Variants in CLCN6 observed in about 807,000 individuals in gnomAD.
CLCN6 encodes the protein Cl-/H+ antiporter 6.
In CLCN6, 70 loss-of-function variants were observed where a neutral mutation model predicts 109.8. That is an observed-to-expected ratio of 0.64 (90% CI 0.53 to 0.78). The LOEUF is 0.78. Ranked by LOEUF, CLCN6 falls within the 30% of genes least tolerant of loss-of-function variation. The pLI, the probability that CLCN6 is intolerant of heterozygous loss-of-function variation, is 0.00. For synonymous variants in CLCN6, 444 were observed against 447.8 expected (o/e 0.99, Z 0.11); for missense variants, 984 against 1,142.3 (o/e 0.86, Z 2.00).
At chr1:11,835,214 G>A (rs2100655178) in intron 17 of CLCN6, among the ~76,000 whole-genome samples, 1 of 152,328 alleles carries the variant, frequency 6.6e-6, no homozygotes, top group African/African-American at 2.4e-5. Flanking sequence ...TGATCAGTGG[G>A]CTACAGTTTG....
chr1:11,837,180 C>T (rs1425604179), intron 19 of CLCN6, 24 bp downstream of exon 19: 5 of 1,610,944 alleles, frequency 3.1e-6, no homozygotes, highest in East Asian at 2.2e-5. Context: ...GGGGCCCCCA[C>T]TGCCCGCAGG....
chr1:11,815,704 A>C (rs1270574285), intron 2 of CLCN6, 142 bp from the exon 3 acceptor site: 1 of 664,730 alleles, frequency 1.5e-6, no homozygotes, highest in Non-Finnish European at 2.7e-6. Context: ...CAGATTCTGC[A>C]TTTTGAACCA....
In CLCN6 at chr1:11,807,796, A is replaced by G. The variant is rs1644539605; in HGVS notation, c.147+606A>G. On this transcript the variant is annotated intron_variant, in intron 2 of 22. Coordinates refer to ENST00000346436, the MANE Select transcript of CLCN6 (RefSeq NM_001286.5). The stretch of plus-strand genomic sequence containing the variant: ...ATTAAAAGATGACTGTTAACACCTT[A>G]CTAAGTATCTTTCTACATCCTTACC... Among the ~76,000 whole-genome samples, 3 of 152,224 alleles carry G rather than the reference A, an allele frequency of 2.0e-5. No individual in the cohort carries two copies. In the South Asian group the frequency reaches 6.2e-4, roughly 31 times the overall value.
At chr1:11,833,470 A>G (rs375818149) in intron 13 of CLCN6, 45 bp from the exon 14 acceptor site, 1 of 1,605,954 alleles carries the variant, frequency 6.2e-7, no homozygotes, top group South Asian at 1.1e-5. Flanking sequence ...TTGAAGACTC[A>G]AAGTCAGGTG....
At chr1:11,831,973 C>T (rs984850429) in intron 13 of CLCN6, among the ~76,000 whole-genome samples, 36 of 152,214 alleles carry the variant, frequency 2.4e-4, no homozygotes, top group African/African-American at 9.6e-5. Flanking sequence ...AACCTAAATA[C>T]GTTCCTTTAG....
Position 11,834,786 on chromosome 1 carries a change from G to A in CLCN6, c.1793+196G>A, listed in dbSNP as rs866035106. 8.5e-5 allele frequency among the ~76,000 whole-genome samples: 13 copies of A among 152,174 alleles called. No homozygotes were observed. Among genetic ancestry groups the A allele is most frequent in the Non-Finnish European group, 2.9e-5 (2 of 68,010 alleles). ...CTGCGGGGGCAGGGCAGGGGACACGGGCACTGTGGGACTGCAGTGGGCAGG... is the reference window on the plus strand; with the variant it reads ...CTGCGGGGGCAGGGCAGGGGACACGAGCACTGTGGGACTGCAGTGGGCAGG... On this transcript the variant is annotated intron_variant, in intron 17 of 22. Coordinates refer to ENST00000346436, the MANE Select transcript of CLCN6 (RefSeq NM_001286.5). This position sits in a 1 kb window ranked among gnomAD's most constrained non-coding sequence, Gnocchi z 4.5.
At chr1:11,830,741 ATATAT>A in intron 13 of CLCN6, among the ~76,000 whole-genome samples, 3 of 50,040 alleles carry the variant, frequency 6.0e-5, no homozygotes, top group African/African-American at 2.8e-4. Context: ...TATATATTAT[ATATAT>A]ATATATATAT....
chr1:11,820,691 T>A, intron 5 of CLCN6: 1 of 248,874 alleles, frequency 4.0e-6, no homozygotes, highest in East Asian at 8.8e-5. Flanking sequence ...GGCATGAACC[T>A]GGGAGGCGGA....
At chr1:11,819,596 T>C in intron 5 of CLCN6, 42 bp downstream of exon 5, 1 of 1,543,330 alleles carries the variant, frequency 6.5e-7, no homozygotes, top group Non-Finnish European at 9.0e-7. Flanking sequence ...ACTTCAGTGG[T>C]CACCAAGATT....
At position 11,806,294 on chromosome 1, in the gene CLCN6, G is replaced by C; in HGVS notation, c.32G>C (p.Cys11Ser). 6.6e-7 allele frequency: 1 copy of C among 1,509,274 alleles called. No homozygotes were observed. The highest frequency in any genetic ancestry group is 1.3e-5 in the South Asian group (1 of 74,818). 93.5% of individuals were successfully genotyped at this position (1,509,274 alleles called of 1,614,324 possible). The change falls in exon 1 of 23, where the codon TGC becomes TCC. Residue 11 changes from cysteine to serine, a missense_variant. Coordinates refer to ENST00000346436, the MANE Select transcript of CLCN6 (RefSeq NM_001286.5). ...GGGTGCAGGGGGTCTCTGTGCTGCT[G>C]CTGCAGGTGGTGCTGCTGCTGCGGT... The part of the protein sequence containing the change: MAGCRGSLCC[C>S]CRWCCCCGER...
intron 6 of CLCN6, among the ~76,000 whole-genome samples, chr1:11,823,227 C>T (rs1289695424): frequency 1.3e-5 from 2 of 152,176 alleles, no homozygotes; most frequent in African/African-American, 2.4e-5. Context: ...GAGGCCAAGG[C>T]GGGCAGATCA....
Position 11,833,601 on chromosome 1 carries a change from G to C in CLCN6, c.1335G>C (p.Pro445=), listed in dbSNP as rs1302255634. ...ACATGGCCACACTCTTCTTCAACCC[G>C]CAGGAGTCTGCCATCCTCCAGCTCT... ...YNDMATLFFN[P]QESAILQLFH... The change falls in exon 14 of 23, where the codon CCG becomes CCC. Residue 445 remains proline, a synonymous_variant. Transcript: ENST00000346436. The C allele has an allele frequency of 6.2e-7, 1 of 1,613,832 alleles. No homozygotes were observed. Among genetic ancestry groups the C allele is most frequent in the Middle Eastern group, 1.6e-4 (1 of 6,062 alleles).
chr1:11,823,099 TC>T (rs2100630791), intron 6 of CLCN6, among the ~76,000 whole-genome samples: 1 of 152,298 alleles, frequency 6.6e-6, no homozygotes, highest in East Asian at 1.9e-4. Context: ...ATCATTCATG[TC>T]CCAAACCTCA....
chr1:11,811,175 C>T (rs1243904941), intron 2 of CLCN6, among the ~76,000 whole-genome samples: 1 of 151,998 alleles, frequency 6.6e-6, no homozygotes, highest in Non-Finnish European at 1.5e-5. Context: ...CACGCCACTG[C>T]ACTCCAGCCT....
intron 5 of CLCN6, among the ~76,000 whole-genome samples, chr1:11,821,094 AAAAAAC>A (rs1390125556): frequency 2.6e-5 from 4 of 152,082 alleles, no homozygotes; most frequent in South Asian, 4.1e-4. Context: ...CAACAAAAAA[AAAAAAC>A]AAACAAAATC....
In CLCN6 at chr1:11,824,498, A is replaced by G. The variant is rs198400; in HGVS notation, c.593A>G (p.Glu198Gly). 1,612,566 of 1,613,638 alleles carry G rather than the reference A, an allele frequency of 1. 805,750 individuals are homozygous for G. Among genetic ancestry groups the G allele is most frequent in the East Asian group, 1 (44,840 of 44,840 alleles). Reference sequence around the variant, plus strand: ...TCACCCTGCCCAGGGCTCTTCGTGGAGAAGGAAGGCCCCATGATCCACAGT... The same window carrying G: ...TCACCCTGCCCAGGGCTCTTCGTGGGGAAGGAAGGCCCCATGATCCACAGT... ...LFSVAGGLFVEKEGPMIHSGS... is the reference protein window; with the variant it reads ...LFSVAGGLFVGKEGPMIHSGS... Residue 198 changes from glutamate to glycine, a missense_variant, in exon 8 of 23, where the codon GAG becomes GGG. Transcript: ENST00000346436.
intron 1 of CLCN6, 34 bp from the exon 2 acceptor site, chr1:11,807,096 TA>T: frequency 1.9e-6 from 3 of 1,602,058 alleles, no homozygotes; most frequent in African/African-American, 1.3e-5. Context: ...TCCTAACCAC[TA>T]AAAAAGGCTC....
chr1:11,813,592 T>C (rs1029231314), intron 2 of CLCN6, among the ~76,000 whole-genome samples: 1 of 152,290 alleles, frequency 6.6e-6, no homozygotes, highest in South Asian at 2.1e-4. Context: ...GGTTTCGCCA[T>C]GTTGGCCGGG....
At chr1:11,817,276 G>T (rs1039707265) in intron 4 of CLCN6, among the ~76,000 whole-genome samples, 1 of 152,140 alleles carries the variant, frequency 6.6e-6, no homozygotes, top group Admixed American at 6.5e-5. Flanking sequence ...GCGAAGTCGT[G>T]GGTACGGAAC....
Sources: allele counts gnomAD v4.1 joint callset (sites outside exome capture counted in the v4.1 genomes callset), GRCh38; gene constraint gnomAD v4.1.1; non-coding constraint Gnocchi (gnomAD v3.1); transcripts MANE v1.5; gene names NCBI Gene and HGNC (gene_info 2026-07-23, HGNC 2026-07-21).